COP1: variants seen among roughly 807,000 people sequenced by gnomAD.
COP1 encodes E3 ubiquitin-protein ligase COP1.
A neutral mutation model predicts 101.3 loss-of-function variants in COP1; 24 were observed. The ratio of observed to expected loss-of-function variants is 0.24; its 90% CI spans 0.17 to 0.33. COP1 has a LOEUF of 0.33. COP1 is among the 10% of genes least tolerant of loss of function. The pLI, the probability that COP1 is intolerant of heterozygous loss-of-function variation, is 1.00. For synonymous variants in COP1, 347 were observed against 341.9 expected, an observed-to-expected ratio of 1.01 and a Z score of -0.17; for missense variants, 663 against 906.2, an observed-to-expected ratio of 0.73 and a Z score of 3.45.
At chr1:176,027,835 A>C in intron 14 of COP1, 147 bp from the exon 15 acceptor site, 2 of 606,914 alleles carry the variant, frequency 3.3e-6, no homozygotes, top group South Asian at 4.0e-5. Context: ...AAAGTGTTAA[A>C]GCTGAATGTA....
chr1:176,005,088 T>A (rs1406598922), intron 15 of COP1, among the ~76,000 whole-genome samples: 1 of 152,208 alleles, frequency 6.6e-6, no homozygotes, highest in Non-Finnish European at 1.5e-5. Context: ...TGGGAGGGTG[T>A]ATGTGTCGAG....
chr1:176,029,114 A>T (rs946170328), intron 14 of COP1, among the ~76,000 whole-genome samples: 1 of 152,132 alleles, frequency 6.6e-6, no homozygotes, highest in Non-Finnish European at 1.5e-5. Flanking sequence ...AAATATGAAA[A>T]TGTACACAAA....
intron 8 of COP1, among the ~76,000 whole-genome samples, chr1:176,122,058 T>C (rs1395533147): frequency 6.7e-6 from 1 of 148,796 alleles, no homozygotes; most frequent in Non-Finnish European, 1.5e-5. Flanking sequence ...GAGAATGGTG[T>C]GAACCTGGGA....
intron 11 of COP1, among the ~76,000 whole-genome samples, chr1:176,049,573 C>A (rs1041215080): frequency 6.6e-6 from 1 of 151,108 alleles, no homozygotes; most frequent in Admixed American, 6.6e-5. Context: ...ACAAACAGGT[C>A]CCCCCCCTCA....
intron 12 of COP1, 77 bp from the exon 13 acceptor site, chr1:176,043,895 G>GA: frequency 1.2e-6 from 1 of 859,884 alleles, no homozygotes; most frequent in East Asian, 2.5e-5. Flanking sequence ...AATGTGTTCA[G>GA]AAAGATTTGC....
chr1:176,088,832 C>G (rs988703662), intron 9 of COP1, among the ~76,000 whole-genome samples: 2 of 151,494 alleles, frequency 1.3e-5, no homozygotes, highest in Non-Finnish European at 1.5e-5. Context: ...CCCGTCTGTA[C>G]TAAAACTACA....
chr1:176,164,683 A>G (rs1401152337), intron 3 of COP1, among the ~76,000 whole-genome samples: 1 of 152,192 alleles, frequency 6.6e-6, no homozygotes, highest in African/African-American at 2.4e-5. Context: ...AGAAAAGAAC[A>G]AGAGAAAGAA....
chr1:176,178,021 T>C (rs140236574), intron 2 of COP1, among the ~76,000 whole-genome samples: 90 of 152,268 alleles, frequency 5.9e-4, no homozygotes, highest in African/African-American at 2.0e-3. Context: ...CCAAAAACAG[T>C]ATCATCACCT....
intron 9 of COP1, among the ~76,000 whole-genome samples, chr1:176,086,421 T>C (rs1202018848): frequency 6.6e-6 from 1 of 151,826 alleles, no homozygotes; most frequent in African/African-American, 2.4e-5. Flanking sequence ...AGAGACAGGG[T>C]TTCACCGTGT....
At chr1:176,179,203 T>C (rs1558268317) in intron 2 of COP1, among the ~76,000 whole-genome samples, 1 of 151,184 alleles carries the variant, frequency 6.6e-6, no homozygotes, top group Non-Finnish European at 1.5e-5. Context: ...GGCAGGAAAA[T>C]TGCTTGACCC....
chr1:176,056,439 T>C (rs1293459465), intron 11 of COP1, among the ~76,000 whole-genome samples: 1 of 152,004 alleles, frequency 6.6e-6, no homozygotes, highest in Non-Finnish European at 1.5e-5. Flanking sequence ...ACAGGGATTT[T>C]TTAATATATA....
At chr1:176,206,413 G>T in intron 1 of COP1, 159 bp downstream of exon 1, 1 of 752,264 alleles carries the variant, frequency 1.3e-6, no homozygotes, top group Non-Finnish European at 2.1e-6. Context: ...CCAGGAGCTC[G>T]AATGCCTGCA....
At chr1:176,051,927 AT>A (rs1317659350) in intron 11 of COP1, among the ~76,000 whole-genome samples, 1 of 152,198 alleles carries the variant, frequency 6.6e-6, no homozygotes, top group Non-Finnish European at 1.5e-5. Flanking sequence ...TCAAAAAAAA[AT>A]TTTTAAGTTA....
intron 3 of COP1, among the ~76,000 whole-genome samples, chr1:176,165,133 T>C (rs1694896887): frequency 6.6e-6 from 1 of 152,182 alleles, no homozygotes; most frequent in Non-Finnish European, 1.5e-5. Context: ...CAACTCAGAC[T>C]AGCAAGACAG....
intron 15 of COP1, among the ~76,000 whole-genome samples, chr1:175,996,022 A>C (rs529635047): frequency 0.027 from 4,147 of 152,168 alleles, 176 homozygotes; most frequent in African/African-American, 0.094. Flanking sequence ...AAACGAATCC[A>C]GCAGCACATC....
intron 3 of COP1, among the ~76,000 whole-genome samples, chr1:176,169,793 A>G (rs1180574338): frequency 1.3e-5 from 2 of 152,214 alleles, no homozygotes; most frequent in African/African-American, 4.8e-5. Context: ...AGACTGCTGC[A>G]TCAACTGATT....
intron 15 of COP1, among the ~76,000 whole-genome samples, chr1:176,021,711 A>T (rs551961319): frequency 6.6e-6 from 1 of 152,304 alleles, no homozygotes; most frequent in East Asian, 1.9e-4. Flanking sequence ...ACCCTTTAAC[A>T]CTACTACTGC....
chr1:176,095,876 T>TA (rs1191703786), intron 9 of COP1, among the ~76,000 whole-genome samples: 1 of 152,160 alleles, frequency 6.6e-6, no homozygotes, highest in East Asian at 1.9e-4. Flanking sequence ...AAAAATCTGT[T>TA]AAGAATCAGT....
At position 175,944,842 on chromosome 1, in the gene COP1, A is replaced by G. The variant is rs535677555; in HGVS notation, c.*311T>C. Reference sequence around the variant, plus strand: ...TTTCCAAGCTCAACTGTGGCTCAATAAACTTTTATTGTTTTGTTATTTATT... The same window carrying G: ...TTTCCAAGCTCAACTGTGGCTCAATGAACTTTTATTGTTTTGTTATTTATT... On this transcript the variant is annotated 3_prime_UTR_variant, in exon 20 of 20. Coordinates refer to ENST00000367669, the MANE Select transcript of COP1 (RefSeq NM_022457.7). 5.8e-6 allele frequency: 2 copies of G among 347,282 alleles called. No individual in the cohort carries two copies. The highest frequency in any genetic ancestry group is 1.3e-4 in the South Asian group (2 of 15,290). 21.5% of individuals were successfully genotyped at this position (347,282 alleles called of 1,614,324 possible).
Sources: gnomAD v4.1 joint callset for allele counts (sites outside exome capture counted in the v4.1 genomes callset) on GRCh38, gnomAD v4.1.1 for gene constraint, MANE v1.5 for transcripts, NCBI Gene and HGNC (gene_info 2026-07-23, HGNC 2026-07-21) for gene names.